EFCAB11: variants seen among roughly 807,000 people sequenced by gnomAD.
EFCAB11 encodes EF-hand calcium binding domain 11, also known as EF-hand calcium-binding domain-containing protein 11.
A neutral mutation model predicts 23.0 loss-of-function variants in EFCAB11; 14 were observed. The ratio of observed to expected loss-of-function variants is 0.61; its 90% CI spans 0.40 to 0.95. EFCAB11 has a LOEUF of 0.95. Among genes scored for constraint, EFCAB11 ranks in the 40% least tolerant of loss-of-function variants. The pLI is 0.00. For synonymous variants in EFCAB11, 65 were observed against 66.6 expected (o/e 0.98, Z 0.11); for missense variants, 198 against 195.8 (o/e 1.01, Z -0.07).
At chr14:89,933,506 T>C (rs986343038) in intron 3 of EFCAB11, among the ~76,000 whole-genome samples, 9 of 152,262 alleles carry the variant, frequency 5.9e-5, no homozygotes, top group Non-Finnish European at 1.2e-4. Flanking sequence ...ATACCTTTTC[T>C]AAAATAGTTC....
rs1254374548 is a variant in EFCAB11, at chr14:89,897,878, C to T, written c.410+33663G>A. On this transcript the variant is annotated intron_variant, in intron 5 of 5. Coordinates refer to ENST00000316738, the MANE Select transcript of EFCAB11 (RefSeq NM_145231.4). ...TGTTGGAAAGACTAGCATGTAAATACGGTTGAAAATAAGGAAGGAAAACAG... is the reference window on the plus strand; with the variant it reads ...TGTTGGAAAGACTAGCATGTAAATATGGTTGAAAATAAGGAAGGAAAACAG... 5.3e-5 allele frequency among the ~76,000 whole-genome samples: 8 copies of T among 151,854 alleles called. No individual in the cohort carries two copies. In the South Asian group the frequency reaches 1.5e-3, roughly 28 times the overall value.
At chr14:89,892,763 G>A (rs906759620) in intron 5 of EFCAB11, among the ~76,000 whole-genome samples, 3 of 152,046 alleles carry the variant, frequency 2.0e-5, no homozygotes, top group African/African-American at 4.8e-5. Flanking sequence ...TTAGCCAGGC[G>A]TGGTGGTGCA....
intron 5 of EFCAB11, among the ~76,000 whole-genome samples, chr14:89,857,435 G>A (rs942049001): frequency 1.4e-4 from 21 of 152,322 alleles, no homozygotes; most frequent in Non-Finnish European, 2.9e-4. Context: ...CACGGTTCCC[G>A]ATGCCTGGCT....
intron 3 of EFCAB11, among the ~76,000 whole-genome samples, chr14:89,945,823 C>T (rs951899730): frequency 2.6e-5 from 4 of 152,072 alleles, no homozygotes; most frequent in South Asian, 2.1e-4. Flanking sequence ...GGTGTTGCAA[C>T]CTCCTACCAT....
At chr14:89,837,084 A>C (rs1009357662) in intron 5 of EFCAB11, 2 of 456,744 alleles carry the variant, frequency 4.4e-6, no homozygotes, top group African/African-American at 4.0e-5. Flanking sequence ...AGGCCAGAGG[A>C]GGGGTTTTTA....
chr14:89,904,794 A>G (rs1036380589), intron 5 of EFCAB11, among the ~76,000 whole-genome samples: 2 of 152,126 alleles, frequency 1.3e-5, no homozygotes, highest in Non-Finnish European at 1.5e-5. Flanking sequence ...GTGTCTGTTC[A>G]TATCCTTTGC....
intron 5 of EFCAB11, chr14:89,923,678 C>G: frequency 1.0e-6 from 1 of 985,242 alleles, no homozygotes; most frequent in Non-Finnish European, 1.2e-6. Context: ...TACTCAAAGA[C>G]CAATAGTCAT....
At chr14:89,897,127 T>G (rs1889193519) in intron 5 of EFCAB11, among the ~76,000 whole-genome samples, 1 of 151,922 alleles carries the variant, frequency 6.6e-6, no homozygotes, top group Non-Finnish European at 1.5e-5. Flanking sequence ...TACATACATT[T>G]GAAATTCTTT....
chr14:89,806,874 T>G (rs534002722), intron 5 of EFCAB11, among the ~76,000 whole-genome samples: 1 of 152,292 alleles, frequency 6.6e-6, no homozygotes, highest in Non-Finnish European at 1.5e-5. Flanking sequence ...ATGCAGAAAA[T>G]TGGAAAATGT....
At chr14:89,944,447 C>A (rs1027274556) in intron 3 of EFCAB11, among the ~76,000 whole-genome samples, 51 of 152,080 alleles carry the variant, frequency 3.4e-4, no homozygotes, top group African/African-American at 1.0e-3. Context: ...ATATCAGTAA[C>A]ATAATAGAGA....
At chr14:89,892,371 T>A (rs1374255208) in intron 5 of EFCAB11, 1 of 1,608,832 alleles carries the variant, frequency 6.2e-7, no homozygotes, top group Non-Finnish European at 8.5e-7. Context: ...TTGGGGGGTG[T>A]CCGGCTCATC....
rs147985961 is a variant in EFCAB11 at position 89,939,655 on chromosome 14, T to A, written c.218-7028A>T. On this transcript the variant is annotated intron_variant, in intron 3 of 5. Transcript: ENST00000316738. ...GGGGCAGTGCTGCCCTCCTGAACTC[T>A]TATAGGTTTTCTTGCCTATAATAGT... Among the ~76,000 whole-genome samples the A allele has an allele frequency of 6.6e-5, 10 of 152,340 alleles. No individual in the cohort carries two copies. The East Asian group carries it at 1.4e-3, about 21-fold the overall frequency.
chr14:89,833,599 T>C (rs1886959151), intron 5 of EFCAB11, among the ~76,000 whole-genome samples: 1 of 152,166 alleles, frequency 6.6e-6, no homozygotes, highest in Non-Finnish European at 1.5e-5. Flanking sequence ...TAGGCTGGTG[T>C]GTGGCACTCA....
At chr14:89,837,970 A>G (rs1189809375) in intron 5 of EFCAB11, among the ~76,000 whole-genome samples, 10 of 152,176 alleles carry the variant, frequency 6.6e-5, no homozygotes, top group African/African-American at 2.2e-4. Context: ...TGCATTTCAC[A>G]TGGGCATAGA....
At chr14:89,818,272 C>T (rs949774296) in intron 5 of EFCAB11, among the ~76,000 whole-genome samples, 3 of 152,222 alleles carry the variant, frequency 2.0e-5, no homozygotes, top group East Asian at 3.9e-4. Flanking sequence ...ACTGTAATGT[C>T]GCACTTTACA....
At chr14:89,804,725 C>T (rs1343675279) in intron 5 of EFCAB11, among the ~76,000 whole-genome samples, 1 of 152,158 alleles carries the variant, frequency 6.6e-6, no homozygotes, top group Non-Finnish European at 1.5e-5. Context: ...TCAAAGAGAT[C>T]AGACTATTCC....
chr14:89,918,018 C>A (rs987129812), intron 5 of EFCAB11, among the ~76,000 whole-genome samples: 63 of 152,174 alleles, frequency 4.1e-4, no homozygotes, highest in African/African-American at 1.5e-3. Flanking sequence ...AAGCTGGCAA[C>A]AATGAACCCT....
intron 5 of EFCAB11, among the ~76,000 whole-genome samples, chr14:89,918,455 C>A (rs575830278): frequency 4.6e-5 from 7 of 151,658 alleles, no homozygotes; most frequent in African/African-American, 1.7e-4. Flanking sequence ...AGGAGAATCG[C>A]TTGAACCCAG....
intron 5 of EFCAB11, among the ~76,000 whole-genome samples, chr14:89,822,242 G>A (rs1886545770): frequency 6.6e-6 from 1 of 152,176 alleles, no homozygotes; most frequent in East Asian, 1.9e-4. Context: ...ATGAGCAAGT[G>A]TGGCTGCTAA....
Sources: allele counts gnomAD v4.1 joint callset (sites outside exome capture counted in the v4.1 genomes callset), GRCh38; gene constraint gnomAD v4.1.1; transcripts MANE v1.5; gene names NCBI Gene and HGNC (gene_info 2026-07-23, HGNC 2026-07-21).